The following TRIB2 variants were observed in gnomAD, a reference collection of about 807,000 sequenced individuals.
TRIB2 encodes tribbles homolog 2.
A neutral mutation model predicts 26.8 loss-of-function variants in TRIB2; 2 were observed. The observed-to-expected ratio is 0.07, with a 90% CI of 0.03 to 0.24. The LOEUF is 0.24. Ranked by LOEUF, TRIB2 falls within the 10% of genes least tolerant of loss-of-function variation. The pLI, the probability that TRIB2 is intolerant of heterozygous loss-of-function variation, is 1.00. For missense variants in TRIB2, 306 were observed against 449.0 expected, an observed-to-expected ratio of 0.68 and a Z score of 2.88; for synonymous variants, 189 against 187.3, an observed-to-expected ratio of 1.01 and a Z score of -0.08.
intron 2 of TRIB2, among the ~76,000 whole-genome samples, chr2:12,731,471 A>AT (rs112238170): frequency 0.016 from 2,364 of 152,286 alleles, 49 homozygotes; most frequent in African/African-American, 0.053. Context: ...GAACTGGGTA[A>AT]AGCAGCCGGG....
chr2:12,720,290 T>G (rs549410188), intron 1 of TRIB2, among the ~76,000 whole-genome samples: 74 of 152,356 alleles, frequency 4.9e-4, no homozygotes, highest in African/African-American at 1.7e-3. Context: ...CAAATTGGAC[T>G]TAATCTGCTG....
intron 2 of TRIB2, among the ~76,000 whole-genome samples, chr2:12,730,302 A>G (rs748347986): frequency 2.6e-5 from 4 of 152,366 alleles, no homozygotes; most frequent in South Asian, 4.1e-4. Flanking sequence ...TCAGAGTCTA[A>G]TGGCCAACCA....
rs550684756 is a variant in TRIB2, at chr2:12,740,590, T to C, written c.828T>C (p.Thr276=). The C allele has an allele frequency of 5.6e-6, 9 of 1,614,168 alleles. No homozygotes were observed. The East Asian group carries it at 1.3e-4, about 24-fold the overall frequency. Residue 276 remains threonine, a synonymous_variant, in exon 3 of 3, where the codon ACT becomes ACC. Transcript: ENST00000155926. The surrounding 1 kb of genome is among the most constrained non-coding windows in gnomAD (Gnocchi z 5.8). ...GTGGCCAGTTCAACATTCCAGAGACTCTGTCGCCCAAGGCCAAGTGCCTCA... is the reference window on the plus strand; with the variant it reads ...GTGGCCAGTTCAACATTCCAGAGACCCTGTCGCCCAAGGCCAAGTGCCTCA... ...IRRGQFNIPE[T]LSPKAKCLIR... is the part of the protein sequence containing the mutation.
In TRIB2 at chr2:12,720,174, A is replaced by T. The variant is rs191172246; in HGVS notation, c.270+1597A>T. 2.5e-3 allele frequency among the ~76,000 whole-genome samples: 374 copies of T among 152,368 alleles called. 1 individual carries two copies. Among genetic ancestry groups the T allele is most frequent in the Non-Finnish European group, 3.8e-3 (256 of 68,036 alleles). ...TCTGGCTGTTACTTCTTTGTTTAAA[A>T]TCAGAGGTGACTCTGGCCTCTGCTC... On this transcript the variant is annotated intron_variant, in intron 1 of 2. Coordinates refer to ENST00000155926, the MANE Select transcript of TRIB2 (RefSeq NM_021643.4).
intron 2 of TRIB2, among the ~76,000 whole-genome samples, chr2:12,736,667 G>A (rs1382538500): frequency 1.3e-5 from 2 of 152,160 alleles, no homozygotes; most frequent in African/African-American, 4.8e-5. Context: ...TTGTGTATCT[G>A]CCCTGTGCCA....
chr2:12,718,229 G>C lies in TRIB2; in HGVS notation c.-79G>C. ...TCCCTTTTAAAATCAGTGGCACCGA[G>C]GCGCCTGCAGCCGCACTCGCCAGCG... On this transcript the variant is annotated 5_prime_UTR_variant, in exon 1 of 3. Coordinates refer to ENST00000155926, the MANE Select transcript of TRIB2 (RefSeq NM_021643.4). The surrounding 1 kb of genome is among the most constrained non-coding windows in gnomAD (Gnocchi z 4.0). 1 of 1,540,292 alleles carries C rather than the reference G, an allele frequency of 6.5e-7. No individual in the cohort carries two copies. The highest frequency in any genetic ancestry group is 8.7e-7 in the Non-Finnish European group (1 of 1,143,244).
chr2:12,740,227 A>G lies in TRIB2; in HGVS notation c.564-99A>G. ...ATGCGTGAATGAATGAATGTGAATG[A>G]GGAGTCTTCAGAAACACTATAGTCG... is the stretch of plus-strand genomic sequence containing the variant. On this transcript the variant is annotated intron_variant, in intron 2 of 2. Transcript: ENST00000155926. The surrounding 1 kb of genome is among the most constrained non-coding windows in gnomAD (Gnocchi z 5.8). The G allele has an allele frequency of 8.9e-7, 1 of 1,120,236 alleles. No individual in the cohort carries two copies. The highest frequency in any genetic ancestry group is 1.3e-6 in the Non-Finnish European group (1 of 770,340). 69.4% of individuals were successfully genotyped at this position (1,120,236 alleles called of 1,614,324 possible).
At chr2:12,730,446 C>T (rs139811174) in intron 2 of TRIB2, among the ~76,000 whole-genome samples, 96 of 152,250 alleles carry the variant, frequency 6.3e-4, no homozygotes, top group African/African-American at 2.0e-3. Flanking sequence ...AATTTTCTCA[C>T]GCAGTTAGGC....
intron 2 of TRIB2, chr2:12,724,911 T>C: frequency 1.3e-6 from 2 of 1,494,810 alleles, no homozygotes; most frequent in Non-Finnish European, 1.8e-6. Context: ...TCCACCTTTC[T>C]TGGAGATTTA....
At chr2:12,725,201 G>A (rs1183363612) in intron 2 of TRIB2, among the ~76,000 whole-genome samples, 5 of 152,228 alleles carry the variant, frequency 3.3e-5, no homozygotes, top group Admixed American at 3.3e-4. Flanking sequence ...TTTAAGTGTC[G>A]TCTTTGATTG....
chr2:12,726,986 G>A (rs1329608327), intron 2 of TRIB2, among the ~76,000 whole-genome samples: 2 of 152,282 alleles, frequency 1.3e-5, no homozygotes, highest in African/African-American at 4.8e-5. Flanking sequence ...GTCCCCCACT[G>A]GTGGTTTTGC....
intron 2 of TRIB2, among the ~76,000 whole-genome samples, chr2:12,733,897 C>T (rs183642256): frequency 2.0e-5 from 3 of 152,120 alleles, no homozygotes; most frequent in Non-Finnish European, 2.9e-5. Flanking sequence ...GGGGGAGAAT[C>T]GGGGCTTTCA....
chr2:12,724,683 C>T (rs748964987), intron 2 of TRIB2: 3 of 1,612,812 alleles, frequency 1.9e-6, no homozygotes, highest in South Asian at 2.2e-5. Flanking sequence ...CTTCGATACC[C>T]TCTGTGATCT....
intron 2 of TRIB2, among the ~76,000 whole-genome samples, chr2:12,729,280 G>GGACATAGGCTGTCTCAT (rs1275604093): frequency 6.6e-6 from 1 of 152,178 alleles, no homozygotes; most frequent in Non-Finnish European, 1.5e-5. Context: ...GGCTTCCTGG[G>GGACATAGGCTGTCTCAT]GACATAGGCT....
chr2:12,724,904 A>G, intron 2 of TRIB2: 1 of 1,504,602 alleles, frequency 6.6e-7, no homozygotes, highest in Non-Finnish European at 8.9e-7. Context: ...TGTATGTTCC[A>G]CCTTTCTTGG....
chr2:12,720,635 A>G (rs759930582), intron 1 of TRIB2, among the ~76,000 whole-genome samples: 2 of 152,226 alleles, frequency 1.3e-5, no homozygotes, highest in Admixed American at 6.5e-5. Context: ...TAGAAGGCTC[A>G]TGTTTCCTAG....
At chr2:12,736,974 A>G (rs550197244) in intron 2 of TRIB2, among the ~76,000 whole-genome samples, 2 of 152,330 alleles carry the variant, frequency 1.3e-5, no homozygotes, top group East Asian at 3.9e-4. Flanking sequence ...GGGAAGCACA[A>G]TTAGGGCAAG....
Position 12,732,714 on chromosome 2 carries a change from G to C in TRIB2, c.564-7612G>C, listed in dbSNP as rs1325610950. 1.3e-5 allele frequency among the ~76,000 whole-genome samples: 2 copies of C among 152,222 alleles called. No individual in the cohort carries two copies. Among genetic ancestry groups the C allele is most frequent in the African/African-American group, 4.8e-5 (2 of 41,442 alleles). On this transcript the variant is annotated intron_variant, in intron 2 of 2. Transcript: ENST00000155926. This position sits in a 1 kb window ranked among gnomAD's most constrained non-coding sequence, Gnocchi z 4.2. Reference sequence around the variant, plus strand: ...TCTAATGCAGCTGCCAGGCCGGCATGATGGTGCCAATGGTGCCAGGTGGTC... The same window carrying C: ...TCTAATGCAGCTGCCAGGCCGGCATCATGGTGCCAATGGTGCCAGGTGGTC...
At position 12,723,545 on chromosome 2, in the gene TRIB2, G is replaced by A. The variant is rs546825227; in HGVS notation, c.556G>A (p.Glu186Lys). 37 of 1,613,618 alleles carry A rather than the reference G, an allele frequency of 2.3e-5. No homozygotes were observed. The highest frequency in any genetic ancestry group is 4.5e-5 in the East Asian group (2 of 44,894). The part of the protein sequence containing the change: ...LKLRKFIFKD[E>K]ERTRVKLESL... ...GCTGCGGAAATTCATCTTTAAGGAC[G>A]AAGAGAGGTAGGTCTCATCCTGTCC... Residue 186 changes from glutamate (E) to lysine (K), a missense_variant, in exon 2 of 3, where the codon GAA becomes AAA. Transcript: ENST00000155926.
Sources: gnomAD v4.1 joint callset for allele counts (sites outside exome capture counted in the v4.1 genomes callset) on GRCh38, gnomAD v4.1.1 for gene constraint, Gnocchi (gnomAD v3.1) non-coding constraint, MANE v1.5 for transcripts, NCBI Gene and HGNC (gene_info 2026-07-23, HGNC 2026-07-21) for gene names.